Variants in NBEAL1 observed in about 807,000 individuals in gnomAD.
NBEAL1 encodes neurobeachin like 1, also known as neurobeachin-like protein 1.
In NBEAL1, 273 loss-of-function variants were observed where a neutral mutation model predicts 351.3. That is an observed-to-expected ratio of 0.78 (90% CI 0.70 to 0.86). The LOEUF (loss-of-function observed/expected upper bound fraction) is 0.86. Ranked by LOEUF, NBEAL1 falls within the 40% of genes least tolerant of loss-of-function variation. NBEAL1 has a pLI of 0.00. For missense variants in NBEAL1, 2,961 were observed against 3,201.3 expected, an observed-to-expected ratio of 0.92 and a Z score of 1.81; for synonymous variants, 1,050 against 1,086.4, an observed-to-expected ratio of 0.97 and a Z score of 0.66.
chr2:203,069,014 G>A (rs984475996), intron 7 of NBEAL1, among the ~76,000 whole-genome samples: 2 of 152,168 alleles, frequency 1.3e-5, no homozygotes, highest in Non-Finnish European at 2.9e-5. Context: ...ACAGGCATGA[G>A]CCACCATGCC....
intron 38 of NBEAL1, among the ~76,000 whole-genome samples, chr2:203,168,591 G>A (rs2064212901): frequency 1.3e-5 from 2 of 150,328 alleles, no homozygotes; most frequent in African/African-American, 4.9e-5. Context: ...CTCCAAAATA[G>A]GTAAATAAAT....
intron 12 of NBEAL1, among the ~76,000 whole-genome samples, chr2:203,105,421 C>T (rs923993170): frequency 1.3e-5 from 2 of 151,434 alleles, no homozygotes; most frequent in Admixed American, 6.6e-5. Flanking sequence ...GCTGAGATCG[C>T]GCCACTGCAC....
intron 4 of NBEAL1, among the ~76,000 whole-genome samples, chr2:203,054,341 G>A (rs1205126596): frequency 2.0e-5 from 3 of 151,526 alleles, no homozygotes; most frequent in Middle Eastern, 3.2e-3. Context: ...TGGAAGAATC[G>A]CTTTAACCCA....
At chr2:203,120,117 A>G (rs548847688) in intron 18 of NBEAL1, among the ~76,000 whole-genome samples, 60 of 152,318 alleles carry the variant, frequency 3.9e-4, no homozygotes, top group Middle Eastern at 3.4e-3. Context: ...ACATAACTTT[A>G]TGAGCATTTA....
intron 54 of NBEAL1, among the ~76,000 whole-genome samples, chr2:203,212,698 C>T (rs1273605137): frequency 6.6e-6 from 1 of 151,084 alleles, no homozygotes; most frequent in Admixed American, 6.6e-5. Flanking sequence ...ATTCCAGTTA[C>T]ATGTGCAAGA....
At chr2:203,138,518 T>C in intron 30 of NBEAL1, 102 bp from the exon 31 acceptor site, 2 of 1,258,640 alleles carry the variant, frequency 1.6e-6, no homozygotes, top group Non-Finnish European at 2.2e-6. Flanking sequence ...TTGGACTAGC[T>C]TTTGAAATAT....
rs1167762320 is a variant in NBEAL1, at chr2:203,138,647, G to C, written c.4747G>C (p.Asp1583His). The C allele has an allele frequency of 2.5e-6, 4 of 1,609,062 alleles. No individual in the cohort carries two copies. The South Asian group carries it at 4.5e-5, about 18-fold the overall frequency. Residue 1583 changes from aspartate (D) to histidine (H), a missense_variant, in exon 31 of 56, where the codon GAC becomes CAC. By Grantham distance (81) the Asp-to-His change is moderately conservative. Transcript: ENST00000683969. ...TTTAGAGGATATGATGCTGCTCTTTGACTGTCTGTCAGTCTGCTATTCTGA... is the reference window on the plus strand; with the variant it reads ...TTTAGAGGATATGATGCTGCTCTTTCACTGTCTGTCAGTCTGCTATTCTGA... ...KLLEDMMLLF[D>H]CLSVCYSESP... is the part of the protein sequence containing the mutation.
chr2:203,058,288 T>A (rs1449935497), intron 6 of NBEAL1, among the ~76,000 whole-genome samples: 3 of 152,112 alleles, frequency 2.0e-5, no homozygotes, highest in Non-Finnish European at 4.4e-5. Context: ...CGCCTTAGCC[T>A]CCCAAATACT....
intron 44 of NBEAL1, among the ~76,000 whole-genome samples, chr2:203,186,800 C>T (rs2064909651): frequency 2.0e-5 from 3 of 152,258 alleles, no homozygotes; most frequent in Middle Eastern, 3.4e-3. Context: ...TGTGTCAGCT[C>T]TATTGGACAA....
intron 55 of NBEAL1, 69 bp downstream of exon 55, chr2:203,213,722 A>G (rs746228457): frequency 4.0e-5 from 63 of 1,594,030 alleles, no homozygotes; most frequent in Middle Eastern, 1.7e-4. Flanking sequence ...CTTCATTCCA[A>G]CTGATTGAGA....
chr2:203,057,530 C>A, intron 6 of NBEAL1, 77 bp downstream of exon 6: 1 of 1,247,146 alleles, frequency 8.0e-7, no homozygotes, highest in Non-Finnish European at 1.1e-6. Context: ...CAGGTCTTCT[C>A]TATGAAAGCA....
chr2:203,218,026 A>G lies in NBEAL1; in HGVS notation c.*672A>G. On this transcript the variant is annotated 3_prime_UTR_variant, in exon 56 of 56. Transcript: ENST00000683969. ...ATTTTACAGATGTATTTCCTTAATA[A>G]TATAATTAAGCAAAAGTGCTAATTG... The G allele has an allele frequency of 1.3e-6, 1 of 754,222 alleles. No homozygotes were observed. The highest frequency in any genetic ancestry group is 1.6e-6 in the Non-Finnish European group (1 of 619,418). The allele number at this position is 754,222 out of a possible 1,614,324, so 46.7% of individuals were successfully genotyped here.
intron 2 of NBEAL1, among the ~76,000 whole-genome samples, chr2:203,026,937 CAA>C (rs1329571689): frequency 6.6e-6 from 1 of 152,152 alleles, no homozygotes; most frequent in East Asian, 1.9e-4. Context: ...GCTTCTAGGT[CAA>C]AGTTTAATGC....
At chr2:203,140,452 A>G (rs1207671369) in intron 31 of NBEAL1, among the ~76,000 whole-genome samples, 1 of 151,844 alleles carries the variant, frequency 6.6e-6, no homozygotes, top group East Asian at 1.9e-4. Flanking sequence ...TTTTCGGATG[A>G]TTTGTGTTTT....
chr2:203,144,617 A>G lies in NBEAL1; in HGVS notation c.4866A>G (p.Ser1622=). The change falls in exon 32 of 56, where the codon TCA becomes TCG. Residue 1622 remains serine (S), a synonymous_variant. Transcript: ENST00000683969. ...RGNLQVCAMA[S]AKLNTLLQTK... is the part of the protein sequence containing the mutation. ...TCCTCCAGGTTTGTGCAATGGCATCAGCTAAGCTAAATACCCTTCTTCAGA... is the reference window on the plus strand; with the variant it reads ...TCCTCCAGGTTTGTGCAATGGCATCGGCTAAGCTAAATACCCTTCTTCAGA... 1 of 1,612,828 alleles carries G rather than the reference A, an allele frequency of 6.2e-7. No individual in the cohort carries two copies. The highest frequency in any genetic ancestry group is 8.5e-7 in the Non-Finnish European group (1 of 1,179,170).
intron 8 of NBEAL1, among the ~76,000 whole-genome samples, chr2:203,081,463 A>G (rs898196314): frequency 1.3e-5 from 2 of 152,258 alleles, no homozygotes; most frequent in Admixed American, 6.5e-5. Context: ...ATGACATAAT[A>G]TATGTACAGC....
At chr2:203,097,493 A>G (rs1256330294) in intron 10 of NBEAL1, 54 bp from the exon 11 acceptor site, 1 of 729,822 alleles carries the variant, frequency 1.4e-6, no homozygotes, top group Non-Finnish European at 1.7e-6. Flanking sequence ...ATTGCTGCTT[A>G]TAGGTAACAA....
chr2:203,101,813 C>G (rs2062332123), intron 12 of NBEAL1, among the ~76,000 whole-genome samples: 1 of 152,172 alleles, frequency 6.6e-6, no homozygotes, highest in African/African-American at 2.4e-5. Context: ...CCAGGCTGGT[C>G]TGGAACTCCT....
chr2:203,154,934 C>CA (rs55890648), intron 35 of NBEAL1, among the ~76,000 whole-genome samples: 76,934 of 92,802 alleles, frequency 0.83, 31,948 homozygotes, highest in South Asian at 0.9. Flanking sequence ...GACCTTGTCT[C>CA]AAAAAAAAAA....
Sources: gnomAD v4.1 joint callset for allele counts (sites outside exome capture counted in the v4.1 genomes callset) on GRCh38, gnomAD v4.1.1 for gene constraint, MANE v1.5 for transcripts, NCBI Gene and HGNC (gene_info 2026-07-23, HGNC 2026-07-21) for gene names.